PPIL4: variants seen among roughly 807,000 people sequenced by gnomAD.
PPIL4 encodes the protein peptidyl-prolyl cis-trans isomerase-like 4.
A neutral mutation model predicts 69.1 loss-of-function variants in PPIL4; 50 were observed. The ratio of observed to expected loss-of-function variants is 0.72; its 90% CI spans 0.58 to 0.92. The LOEUF (loss-of-function observed/expected upper bound fraction) is 0.92. Among genes scored for constraint, PPIL4 ranks in the 40% least tolerant of loss-of-function variants. The pLI is 0.00. For missense variants in PPIL4, 480 were observed against 587.9 expected, an observed-to-expected ratio of 0.82 and a Z score of 1.90; for synonymous variants, 193 against 191.6, an observed-to-expected ratio of 1.01 and a Z score of -0.06.
chr6:149,540,440 C>T (rs1777342116), intron 4 of PPIL4, among the ~76,000 whole-genome samples: 1 of 152,160 alleles, frequency 6.6e-6, no homozygotes, highest in Non-Finnish European at 1.5e-5. Context: ...CATGGTGAAA[C>T]CCCGTCTCTA....
Position 149,504,674 on chromosome 6 carries a change from G to A in PPIL4, c.*779C>T, listed in dbSNP as rs1776738503. The A allele has an allele frequency of 6.6e-6, 1 of 152,208 alleles. No homozygotes were observed. Among genetic ancestry groups the A allele is most frequent in the Non-Finnish European group, 1.5e-5 (1 of 68,038 alleles). The allele number at this position is 152,208 out of a possible 1,614,324, so 9.4% of individuals were successfully genotyped here. A position where few individuals can be genotyped will look rare whatever the true frequency, so the allele number is the denominator to read the frequency against. ...TTTAAGTCTGAACTTAAGTGTTGGA[G>A]ATGCTATGAAACAAAGGTAACTCAC... is the stretch of plus-strand genomic sequence containing the variant. On this transcript the variant is annotated 3_prime_UTR_variant, in exon 13 of 13. Coordinates refer to ENST00000253329, the MANE Select transcript of PPIL4 (RefSeq NM_139126.4).
At chr6:149,536,444 T>C (rs540915195) in intron 4 of PPIL4, among the ~76,000 whole-genome samples, 4 of 152,176 alleles carry the variant, frequency 2.6e-5, no homozygotes, top group Non-Finnish European at 4.4e-5. Flanking sequence ...AGCTGAGTTG[T>C]AAATGCAAAG....
chr6:149,525,877 G>C (rs1777098550), intron 8 of PPIL4, among the ~76,000 whole-genome samples: 1 of 152,146 alleles, frequency 6.6e-6, no homozygotes, highest in Non-Finnish European at 1.5e-5. Context: ...AAGACGGACG[G>C]ATCACAAGGT....
chr6:149,536,664 G>T (rs1777280634), intron 4 of PPIL4, among the ~76,000 whole-genome samples: 1 of 147,200 alleles, frequency 6.8e-6, no homozygotes, highest in Admixed American at 7.0e-5. Flanking sequence ...AGCTGCAAAA[G>T]AAAGTCTGAA....
At chr6:149,536,348 C>T (rs1330711887) in intron 4 of PPIL4, among the ~76,000 whole-genome samples, 1 of 152,064 alleles carries the variant, frequency 6.6e-6, no homozygotes, top group Non-Finnish European at 1.5e-5. Flanking sequence ...TACTTTAAAT[C>T]AAAAGCTAAA....
intron 1 of PPIL4, among the ~76,000 whole-genome samples, chr6:149,544,533 A>C (rs527868753): frequency 3.0e-4 from 46 of 152,360 alleles, no homozygotes; most frequent in South Asian, 6.2e-4. Context: ...CTTGTAAACA[A>C]CACCAGGATA....
chr6:149,509,824 C>A (rs1776816269), intron 12 of PPIL4, among the ~76,000 whole-genome samples: 1 of 152,058 alleles, frequency 6.6e-6, no homozygotes, highest in Admixed American at 6.6e-5. Flanking sequence ...AAACTATGGG[C>A]AAGTAACAAT....
intron 11 of PPIL4, among the ~76,000 whole-genome samples, chr6:149,513,576 G>A (rs977766838): frequency 2.0e-5 from 3 of 149,898 alleles, no homozygotes; most frequent in Non-Finnish European, 3.0e-5. Context: ...TATCAACAAC[G>A]ATAAATGCTA....
intron 4 of PPIL4, among the ~76,000 whole-genome samples, chr6:149,538,622 T>C (rs1049842986): frequency 5.3e-5 from 8 of 152,170 alleles, no homozygotes; most frequent in African/African-American, 1.7e-4. Flanking sequence ...GAGGTCAAAA[T>C]ATCAACATTA....
intron 7 of PPIL4, among the ~76,000 whole-genome samples, chr6:149,532,538 T>C (rs1177017838): frequency 1.3e-5 from 2 of 152,250 alleles, no homozygotes; most frequent in African/African-American, 4.8e-5. Context: ...TTAATTTTTT[T>C]AATTTCAGTA....
chr6:149,526,048 G>A (rs754303368), intron 8 of PPIL4, among the ~76,000 whole-genome samples: 3 of 152,018 alleles, frequency 2.0e-5, no homozygotes, highest in African/African-American at 2.4e-5. Flanking sequence ...GCAGTGAGCC[G>A]AGATCACATC....
chr6:149,515,665 G>C (rs1283637488), intron 11 of PPIL4, among the ~76,000 whole-genome samples: 1 of 152,084 alleles, frequency 6.6e-6, no homozygotes, highest in African/African-American at 2.4e-5. Context: ...CTAAGTATCT[G>C]TTGATTACTT....
At chr6:149,539,898 G>T (rs186859581) in intron 4 of PPIL4, among the ~76,000 whole-genome samples, 8 of 152,298 alleles carry the variant, frequency 5.3e-5, no homozygotes, top group Non-Finnish European at 1.0e-4. Flanking sequence ...GGGAGGCCAA[G>T]GCAGGTGGAT....
chr6:149,530,669 A>AG, intron 7 of PPIL4, among the ~76,000 whole-genome samples: 1 of 150,294 alleles, frequency 6.7e-6, no homozygotes, highest in East Asian at 2.0e-4. Flanking sequence ...GGAAAAAAAA[A>AG]AAGAAGGGAG....
chr6:149,521,271 T>C (rs1256109395), intron 9 of PPIL4, 100 bp from the exon 10 acceptor site: 3 of 742,090 alleles, frequency 4.0e-6, no homozygotes, highest in East Asian at 2.6e-5. Context: ...CAAAAATTAA[T>C]GTTTGAATAC....
rs551285032 is a variant in PPIL4, at chr6:149,515,239, G to A, written c.1079+2115C>T. Among the ~76,000 whole-genome samples, 29 of 150,084 alleles carry A rather than the reference G, an allele frequency of 1.9e-4. No homozygotes were observed. The East Asian group carries it at 2.2e-3, about 11-fold the overall frequency. ...TGGGCTCCAGCAATCCTCCCACCTC[G>A]GCCTCCCACACTGCTGGGATTACAG... On this transcript the variant is annotated intron_variant, in intron 11 of 12. Transcript: ENST00000253329.
At chr6:149,538,037 T>C (rs1777303519) in intron 4 of PPIL4, among the ~76,000 whole-genome samples, 2 of 152,058 alleles carry the variant, frequency 1.3e-5, no homozygotes, top group East Asian at 1.9e-4. Flanking sequence ...GGCAGGTGGA[T>C]CACTTGAGGC....
intron 11 of PPIL4, among the ~76,000 whole-genome samples, chr6:149,513,428 T>TATATATAC (rs1554215983): frequency 5.9e-4 from 75 of 127,040 alleles, no homozygotes; most frequent in African/African-American, 2.4e-3. Flanking sequence ...TATATATATA[T>TATATATAC]ATATATATAT....
intron 3 of PPIL4, 42 bp downstream of exon 3, chr6:149,541,325 A>G (rs1370365093): frequency 1.0e-5 from 8 of 783,152 alleles, no homozygotes; most frequent in African/African-American, 1.9e-5. Flanking sequence ...AAGTAAATAA[A>G]TAAATAAATA....
Sources: allele counts gnomAD v4.1 joint callset (sites outside exome capture counted in the v4.1 genomes callset), GRCh38; gene constraint gnomAD v4.1.1; transcripts MANE v1.5; gene names NCBI Gene and HGNC (gene_info 2026-07-23, HGNC 2026-07-21).